Variants in GSG1L2 observed in about 807,000 individuals in gnomAD.
GSG1L2 encodes the protein germ cell-specific gene 1-like protein 2.
A neutral mutation model predicts 9.0 loss-of-function variants in GSG1L2; 15 were observed. The ratio of observed to expected loss-of-function variants is 1.67; its 90% CI spans 1.12 to 2.57. The LOEUF is 2.57. GSG1L2 is among the 30% of genes most tolerant of loss of function. The pLI, the probability that GSG1L2 is intolerant of heterozygous loss-of-function variation, is 0.00. For synonymous variants in GSG1L2, 127 were observed against 57.9 expected, an observed-to-expected ratio of 2.19 and a Z score of -5.41; for missense variants, 286 against 150.3, an observed-to-expected ratio of 1.90 and a Z score of -4.72.
chr17:9,817,496 A>C (rs1313496035), intron 1 of GSG1L2, among the ~76,000 whole-genome samples: 3 of 147,462 alleles, frequency 2.0e-5, no homozygotes, highest in African/African-American at 5.1e-5. Flanking sequence ...GCGATCTTGG[A>C]TCACTGCAAC....
chr17:9,810,292 T>C (rs1033017916), intron 2 of GSG1L2: 1 of 513,716 alleles, frequency 1.9e-6, no homozygotes, highest in Non-Finnish European at 3.5e-6. Flanking sequence ...CATCTTGCAA[T>C]TGAAATTGGC....
At chr17:9,807,866 A>T (rs778856651) in intron 3 of GSG1L2, 31 of 361,492 alleles carry the variant, frequency 8.6e-5, no homozygotes, top group African/African-American at 1.2e-4. Context: ...GAAGATCAGA[A>T]ATTGGATTTT....
At position 9,808,774 on chromosome 17, in the gene GSG1L2, T is replaced by C. The variant is rs2066525943; in HGVS notation, c.511+56A>G. The C allele has an allele frequency of 5.7e-6, 4 of 696,862 alleles. No individual in the cohort carries two copies. The South Asian group carries it at 6.0e-5, about 10-fold the overall frequency. 43.2% of individuals were successfully genotyped at this position (696,862 alleles called of 1,614,324 possible). A position where few individuals can be genotyped will look rare whatever the true frequency, so the allele number is the denominator to read the frequency against. ...TCTTTGGTAATGAGCATGTCCAGTCTGACACTCTGCTTTCCCTCTGGGGCA... is the reference window on the plus strand; with the variant it reads ...TCTTTGGTAATGAGCATGTCCAGTCCGACACTCTGCTTTCCCTCTGGGGCA... On this transcript the variant is annotated intron_variant, in intron 3 of 4. Transcript: ENST00000399363.
chr17:9,814,453 C>G (rs949528172), intron 1 of GSG1L2, among the ~76,000 whole-genome samples: 1 of 152,082 alleles, frequency 6.6e-6, no homozygotes, highest in South Asian at 2.1e-4. Flanking sequence ...AGAGAACTGC[C>G]TTTCCCACCA....
intron 1 of GSG1L2, among the ~76,000 whole-genome samples, chr17:9,818,745 A>T (rs1443246808): frequency 6.6e-6 from 1 of 150,436 alleles, no homozygotes; most frequent in East Asian, 2.0e-4. Context: ...ATCCACCTCC[A>T]CAATCCAATC....
chr17:9,802,003 C>T lies in GSG1L2; in HGVS notation c.*383G>A, dbSNP rs530445579. ...GGATTTTTCTGTCAACAAACCTATGCGGACAACACATTTTGCCTCCCTTGT... is the reference window on the plus strand; with the variant it reads ...GGATTTTTCTGTCAACAAACCTATGTGGACAACACATTTTGCCTCCCTTGT... On this transcript the variant is annotated 3_prime_UTR_variant, in exon 5 of 5. Transcript: ENST00000399363. Among the ~76,000 whole-genome samples the T allele has an allele frequency of 6.6e-4, 100 of 152,302 alleles. No individual in the cohort carries two copies. In the Middle Eastern group the frequency reaches 0.014, roughly 21 times the overall value.
rs996587654 is a variant in GSG1L2 at position 9,820,382 on chromosome 17, A to G, written c.310+1380T>C. The stretch of plus-strand genomic sequence containing the variant: ...CCAAAATTCTGGAAGTGTTTTGGAA[A>G]TCCTCCAGGATGCAGGGTCCTGAGA... On this transcript the variant is annotated intron_variant, in intron 1 of 4. Coordinates refer to ENST00000399363, the MANE Select transcript of GSG1L2 (RefSeq NM_001310219.2). The surrounding 1 kb of genome is among the most constrained non-coding windows in gnomAD (Gnocchi z 4.9). 6.6e-6 allele frequency among the ~76,000 whole-genome samples: 1 copy of G among 152,234 alleles called. No individual in the cohort carries two copies. Among genetic ancestry groups the G allele is most frequent in the African/African-American group, 2.4e-5 (1 of 41,452 alleles).
chr17:9,809,032 T>C, intron 2 of GSG1L2, 50 bp from the exon 3 acceptor site: 2 of 694,734 alleles, frequency 2.9e-6, no homozygotes, highest in Non-Finnish European at 5.3e-6. Context: ...AATTCAGAAA[T>C]ACTAAAATGT....
chr17:9,819,664 C>G (rs9893519), intron 1 of GSG1L2, among the ~76,000 whole-genome samples: 2 of 151,734 alleles, frequency 1.3e-5, no homozygotes. Context: ...CAGAGTTTTG[C>G]TCTTGTTGCC....
At position 9,800,714 on chromosome 17, in the gene GSG1L2, C is replaced by G. The variant is rs1432538215; in HGVS notation, c.*1672G>C. ...AGTCTCTCTCCAGTGTATTTCATTC[C>G]CTGTAAGATGAGACTTTGACCTGAT... is the stretch of plus-strand genomic sequence containing the variant. On this transcript the variant is annotated 3_prime_UTR_variant, in exon 5 of 5. Coordinates refer to ENST00000399363, the MANE Select transcript of GSG1L2 (RefSeq NM_001310219.2). 1.3e-5 allele frequency among the ~76,000 whole-genome samples: 2 copies of G among 152,138 alleles called. No homozygotes were observed. The highest frequency in any genetic ancestry group is 2.9e-5 in the Non-Finnish European group (2 of 68,034).
chr17:9,807,831 T>A, intron 3 of GSG1L2: 2 of 468,168 alleles, frequency 4.3e-6, no homozygotes, highest in Non-Finnish European at 7.8e-6. Context: ...TGGGTAGGAG[T>A]CTCCATGGCC....
At chr17:9,810,301 G>T (rs750380324) in intron 2 of GSG1L2, 1 of 528,518 alleles carries the variant, frequency 1.9e-6, no homozygotes, top group Non-Finnish European at 3.3e-6. Flanking sequence ...ATTGAAATTG[G>T]CTATGGTGGG....
chr17:9,813,693 C>T (rs1262752840), intron 1 of GSG1L2, among the ~76,000 whole-genome samples: 1 of 152,220 alleles, frequency 6.6e-6, no homozygotes, highest in Admixed American at 6.5e-5. Context: ...CTCACGTCGC[C>T]TCATCCGATC....
chr17:9,806,738 G>A (rs927396921), intron 4 of GSG1L2, among the ~76,000 whole-genome samples: 3 of 152,148 alleles, frequency 2.0e-5, no homozygotes, highest in African/African-American at 7.2e-5. Context: ...TCAAAGGGGG[G>A]TAGCTAAGTG....
At position 9,801,825 on chromosome 17, in the gene GSG1L2, G is replaced by A. The variant is rs1401853873; in HGVS notation, c.*561C>T. Among the ~76,000 whole-genome samples the A allele has an allele frequency of 2.6e-5, 4 of 152,076 alleles. No homozygotes were observed. Among genetic ancestry groups the A allele is most frequent in the African/African-American group, 9.7e-5 (4 of 41,416 alleles). ...TGTCCTTCCAAACTGATTTTACTAT[G>A]AGTAGAAACACAAAATTTCCAAGAA... On this transcript the variant is annotated 3_prime_UTR_variant, in exon 5 of 5. Transcript: ENST00000399363.
chr17:9,808,277 T>C lies in GSG1L2; in HGVS notation c.511+553A>G, dbSNP rs112202686. Among the ~76,000 whole-genome samples the C allele has an allele frequency of 2.9e-3, 440 of 152,304 alleles. 2 individuals are homozygous for C. The highest frequency in any genetic ancestry group is 0.01 in the African/African-American group (419 of 41,568). ...CCGATTAAGTGGCTTTAAAAGTTGC[T>C]TGGAGAACACAGAAGTAGATCTAAA... On this transcript the variant is annotated intron_variant, in intron 3 of 4. Transcript: ENST00000399363.
At chr17:9,805,851 C>T (rs139930790) in intron 4 of GSG1L2, among the ~76,000 whole-genome samples, 11 of 152,238 alleles carry the variant, frequency 7.2e-5, no homozygotes, top group Admixed American at 2.0e-4. Context: ...TGCTTTCTTT[C>T]GTCCCCATAT....
At chr17:9,806,421 A>G (rs2066516365) in intron 4 of GSG1L2, among the ~76,000 whole-genome samples, 1 of 152,210 alleles carries the variant, frequency 6.6e-6, no homozygotes, top group African/African-American at 2.4e-5. Flanking sequence ...GAGAGAATGG[A>G]ATTGATAGAT....
chr17:9,810,303 T>C (rs1238853177), intron 2 of GSG1L2: 1 of 532,810 alleles, frequency 1.9e-6, no homozygotes, highest in African/African-American at 1.9e-5. Flanking sequence ...TGAAATTGGC[T>C]ATGGTGGGAA....
Sources: gnomAD v4.1 joint callset for allele counts (sites outside exome capture counted in the v4.1 genomes callset) on GRCh38, gnomAD v4.1.1 for gene constraint, Gnocchi (gnomAD v3.1) non-coding constraint, MANE v1.5 for transcripts, NCBI Gene and HGNC (gene_info 2026-07-23, HGNC 2026-07-21) for gene names.